The following GPHN variants were observed in gnomAD, a reference collection of about 807,000 sequenced individuals.
GPHN encodes gephyrin.
In GPHN, 17 loss-of-function variants were observed where a neutral mutation model predicts 95.5. The observed-to-expected ratio is 0.18, with a 90% CI of 0.12 to 0.27. GPHN has a LOEUF of 0.27. Among genes scored for constraint, GPHN ranks in the 10% least tolerant of loss-of-function variants. The pLI, the probability that GPHN is intolerant of heterozygous loss-of-function variation, is 1.00. For missense variants in GPHN, 660 were observed against 978.1 expected, an observed-to-expected ratio of 0.67 and a Z score of 4.34; for synonymous variants, 320 against 322.5, an observed-to-expected ratio of 0.99 and a Z score of 0.08.
At chr14:67,291,249 G>A in the GPHN span, among the ~76,000 whole-genome samples, 1 of 148,846 alleles carries the variant, frequency 6.7e-6, no homozygotes, top group Non-Finnish European at 1.5e-5. Context: ...TTTTTTTTGA[G>A]ATGGAGTCTT....
chr14:67,210,351 T>C, the GPHN span, among the ~76,000 whole-genome samples: 1 of 151,964 alleles, frequency 6.6e-6, no homozygotes, highest in Non-Finnish European at 1.5e-5. Flanking sequence ...TTTGGGAGGC[T>C]GAGGCAGGAG....
Position 66,559,275 on chromosome 14 carries a change from A to C in GPHN, c.64+50684A>C, listed in dbSNP as rs543906136. ...ACCCAGTAATGGGATGGCTGGGTCA[A>C]ATGGTATTTCTATTTCTAGATCCCT... On this transcript the variant is annotated intron_variant, in intron 1 of 22. Coordinates refer to ENST00000478722, the MANE Select transcript of GPHN (RefSeq NM_020806.5). Among the ~76,000 whole-genome samples the C allele has an allele frequency of 3.3e-5, 5 of 151,482 alleles. No individual in the cohort carries two copies. In the East Asian group the frequency reaches 7.8e-4, roughly 24 times the overall value.
At chr14:67,292,323 T>G in the GPHN span, among the ~76,000 whole-genome samples, 4 of 152,212 alleles carry the variant, frequency 2.6e-5, no homozygotes, top group African/African-American at 9.6e-5. Context: ...AGTTATTCTG[T>G]TGTGTAATTT....
intron 10 of GPHN, among the ~76,000 whole-genome samples, chr14:67,035,188 A>G (rs1024978648): frequency 1.3e-5 from 2 of 149,078 alleles, no homozygotes; most frequent in African/African-American, 5.2e-5. Context: ...GAGAGAAATT[A>G]GAAATATCTT....
chr14:67,298,851 A>G, the GPHN span, among the ~76,000 whole-genome samples: 2 of 152,288 alleles, frequency 1.3e-5, no homozygotes, highest in African/African-American at 4.8e-5. Flanking sequence ...CTCAGGCCCT[A>G]TGAATATCCA....
chr14:67,326,855 CA>C, the GPHN span, among the ~76,000 whole-genome samples: 39 of 152,248 alleles, frequency 2.6e-4, no homozygotes, highest in Non-Finnish European at 4.4e-4. Flanking sequence ...ACAATTTATC[CA>C]TTCTTCAGTT....
the GPHN span, chr14:67,620,856 T>C: frequency 6.2e-7 from 1 of 1,611,976 alleles, no homozygotes. Context: ...TTCCGACACC[T>C]TCTCTACCTC....
At chr14:67,026,643 GTTTGT>G (rs544711382) in intron 10 of GPHN, among the ~76,000 whole-genome samples, 9 of 151,358 alleles carry the variant, frequency 5.9e-5, no homozygotes, top group Non-Finnish European at 1.0e-4. Context: ...TTTTTTGTTT[GTTTGT>G]TTTGTTTTGT....
At chr14:67,522,544 A>G in the GPHN span, among the ~76,000 whole-genome samples, 1 of 152,196 alleles carries the variant, frequency 6.6e-6, no homozygotes, top group Non-Finnish European at 1.5e-5. Context: ...CAACTTCACT[A>G]TATCAGTTCA....
At chr14:66,962,331 G>GTTTTTTTTTTTTTTTTTTTTTTTTTT (rs540551730) in intron 8 of GPHN, among the ~76,000 whole-genome samples, 1 of 148,304 alleles carries the variant, frequency 6.7e-6, no homozygotes. Flanking sequence ...AGCATAGGCA[G>GTTTTTTTTTTTTTTTTTTTTTTTTTT]TTTTTGTTTT....
the GPHN span, among the ~76,000 whole-genome samples, chr14:67,275,480 G>A: frequency 6.6e-6 from 1 of 152,142 alleles, no homozygotes; most frequent in Non-Finnish European, 1.5e-5. Context: ...CCATTTGATT[G>A]TGGTGCATAA....
At chr14:67,300,234 C>T in the GPHN span, among the ~76,000 whole-genome samples, 2 of 151,822 alleles carry the variant, frequency 1.3e-5, no homozygotes, top group African/African-American at 2.4e-5. Flanking sequence ...TAATTAATCC[C>T]AAAATTATCA....
intron 5 of GPHN, among the ~76,000 whole-genome samples, chr14:66,905,811 A>G (rs2065351199): frequency 6.6e-6 from 1 of 152,100 alleles, no homozygotes. Context: ...CCCACTTACA[A>G]GTGAGAACAT....
chr14:66,769,388 C>T (rs2059080121), intron 2 of GPHN, among the ~76,000 whole-genome samples: 1 of 151,988 alleles, frequency 6.6e-6, no homozygotes, highest in Admixed American at 6.6e-5. Flanking sequence ...AAACTCATGT[C>T]ATAGGGGTTT....
the GPHN span, among the ~76,000 whole-genome samples, chr14:67,591,123 T>G: frequency 6.6e-6 from 1 of 152,150 alleles, no homozygotes; most frequent in Admixed American, 6.5e-5. Flanking sequence ...AATATTCAGA[T>G]TCTACTTGAC....
the GPHN span, among the ~76,000 whole-genome samples, chr14:67,629,936 TATAA>T: frequency 3.9e-5 from 6 of 152,186 alleles, no homozygotes; most frequent in South Asian, 2.1e-4. Flanking sequence ...AAGACAAAAA[TATAA>T]ATAGTTTCAA....
At chr14:67,583,183 T>C in the GPHN span, among the ~76,000 whole-genome samples, 1 of 152,178 alleles carries the variant, frequency 6.6e-6, no homozygotes, top group African/African-American at 2.4e-5. Context: ...ACAGTAATAG[T>C]TGATCTTTAT....
At chr14:66,846,170 A>T (rs1219290407) in intron 4 of GPHN, among the ~76,000 whole-genome samples, 1 of 152,132 alleles carries the variant, frequency 6.6e-6, no homozygotes, top group East Asian at 1.9e-4. Context: ...GGTGATTTTT[A>T]TACACTCTAT....
At chr14:66,645,623 C>T (rs147032911) in intron 1 of GPHN, among the ~76,000 whole-genome samples, 8 of 146,810 alleles carry the variant, frequency 5.4e-5, no homozygotes, top group African/African-American at 2.0e-4. Flanking sequence ...ATCTGGGAGG[C>T]GGAGGTTGCA....
Sources: allele counts gnomAD v4.1 joint callset (sites outside exome capture counted in the v4.1 genomes callset), GRCh38; gene constraint gnomAD v4.1.1; transcripts MANE v1.5; gene names NCBI Gene and HGNC (gene_info 2026-07-23, HGNC 2026-07-21).